The following OR2L5 variants were observed in gnomAD, a reference collection of about 807,000 sequenced individuals.
OR2L5 encodes the protein olfactory receptor 2L5.
For missense variants in OR2L5, 413 were observed against 381.6 expected, an observed-to-expected ratio of 1.08 and a Z score of -0.69; for synonymous variants, 169 against 142.0, an observed-to-expected ratio of 1.19 and a Z score of -1.35.
At position 248,022,118 on chromosome 1, in the gene OR2L5, C is replaced by G; in HGVS notation, c.171C>G (p.Pro57=). The change falls in exon 2 of 2, where the codon CCC becomes CCG. Residue 57 remains proline, a synonymous_variant. Coordinates refer to ENST00000355281, the MANE Select transcript of OR2L5 (RefSeq NM_001258284.2). ...TCTTGGACACCCATCTCCACACACC[C>G]ATGTATTTCCTGCTTAGTCAGCTCT... ...LIFLDTHLHT[P]MYFLLSQLSL... 1 of 1,613,946 alleles carries G rather than the reference C, an allele frequency of 6.2e-7. No homozygotes were observed. The highest frequency in any genetic ancestry group is 8.5e-7 in the Non-Finnish European group (1 of 1,179,852).
chr1:248,018,578 T>C (rs1433231942), intron 1 of OR2L5, among the ~76,000 whole-genome samples: 3 of 152,224 alleles, frequency 2.0e-5, no homozygotes, highest in Non-Finnish European at 4.4e-5. Context: ...GGAATTTTCT[T>C]AAAATGTATT....
intron 1 of OR2L5, among the ~76,000 whole-genome samples, chr1:248,018,034 A>G (rs1662245176): frequency 6.6e-6 from 1 of 152,038 alleles, no homozygotes; most frequent in Admixed American, 6.6e-5. Flanking sequence ...GGGCCCCTGT[A>G]ATCCCAGCTA....
chr1:248,018,642 T>G (rs1313472938), intron 1 of OR2L5, among the ~76,000 whole-genome samples: 2 of 152,154 alleles, frequency 1.3e-5, no homozygotes, highest in Non-Finnish European at 2.9e-5. Context: ...TTAATTAGAG[T>G]AAATATACTT....
Position 248,023,549 on chromosome 1 carries a change from C to T in OR2L5, c.*663C>T, listed in dbSNP as rs1465416211. 1 of 152,162 alleles carries T rather than the reference C, an allele frequency of 6.6e-6. No homozygotes were observed. Among genetic ancestry groups the T allele is most frequent in the African/African-American group, 2.4e-5 (1 of 41,430 alleles). 9.4% of individuals were successfully genotyped at this position (152,162 alleles called of 1,614,324 possible). A position where few individuals can be genotyped will look rare whatever the true frequency, so the allele number is the denominator to read the frequency against. ...TCACAACACACACAATGTTTGTCTC[C>T]TGAGTAGCCACGGGTATTCTCATGC... On this transcript the variant is annotated 3_prime_UTR_variant, in exon 2 of 2. Transcript: ENST00000355281.
chr1:248,014,707 T>C (rs547306627), intron 1 of OR2L5, among the ~76,000 whole-genome samples: 1 of 152,244 alleles, frequency 6.6e-6, no homozygotes, highest in Non-Finnish European at 1.5e-5. Context: ...CTGAAACTTG[T>C]AGATTCTCTT....
rs775400726 is a variant in OR2L5, at chr1:248,022,661, G to A, written c.714G>A (p.Ser238=). The part of the protein sequence containing the change: ...HSAEGRKKAY[S]TCSTHLTVVT... ...CAGAAGGGAGGAAAAAGGCCTATTCGACCTGCAGCACCCACCTCACTGTAG... is the reference window on the plus strand; with the variant it reads ...CAGAAGGGAGGAAAAAGGCCTATTCAACCTGCAGCACCCACCTCACTGTAG... The change falls in exon 2 of 2, where the codon TCG becomes TCA. Residue 238 remains serine (S), a synonymous_variant. Coordinates refer to ENST00000355281, the MANE Select transcript of OR2L5 (RefSeq NM_001258284.2). 3.2e-5 allele frequency: 52 copies of A among 1,613,866 alleles called. No homozygotes were observed. Among genetic ancestry groups the A allele is most frequent in the Admixed American group, 2.3e-4 (14 of 59,984 alleles).
In OR2L5 at chr1:248,024,024, T is replaced by A. The variant is rs1240619974; in HGVS notation, c.*1138T>A. 1 of 152,178 alleles carries A rather than the reference T, an allele frequency of 6.6e-6. No individual in the cohort carries two copies. The highest frequency in any genetic ancestry group is 1.5e-5 in the Non-Finnish European group (1 of 68,032). 9.4% of individuals were successfully genotyped at this position (152,178 alleles called of 1,614,324 possible). A position where few individuals can be genotyped will look rare whatever the true frequency, so the allele number is the denominator to read the frequency against. On this transcript the variant is annotated 3_prime_UTR_variant, in exon 2 of 2. Coordinates refer to ENST00000355281, the MANE Select transcript of OR2L5 (RefSeq NM_001258284.2). ...TGATCAGAAAATATATTTTTATTTT[T>A]ATTTGTTATTAATTTTATTTGTTTA...
intron 1 of OR2L5, among the ~76,000 whole-genome samples, chr1:248,018,824 C>T (rs1320581831): frequency 2.0e-5 from 3 of 152,176 alleles, no homozygotes; most frequent in African/African-American, 4.8e-5. Context: ...CCCCGGTCCC[C>T]TGGGGTCCAG....
At chr1:248,016,313 T>G (rs1662196370) in intron 1 of OR2L5, among the ~76,000 whole-genome samples, 1 of 152,218 alleles carries the variant, frequency 6.6e-6, no homozygotes, top group Non-Finnish European at 1.5e-5. Context: ...CATGGGTATT[T>G]TTTTTGTAAG....
In OR2L5 at chr1:248,022,529, T is replaced by C. The variant is rs777489966; in HGVS notation, c.582T>C (p.Tyr194=). The C allele has an allele frequency of 1.2e-6, 2 of 1,614,216 alleles. No homozygotes were observed. The highest frequency in any genetic ancestry group is 2.2e-5 in the East Asian group (1 of 44,888). The change falls in exon 2 of 2, where the codon TAT becomes TAC. Residue 194 remains tyrosine (Y), a synonymous_variant. Coordinates refer to ENST00000355281, the MANE Select transcript of OR2L5 (RefSeq NM_001258284.2). ...TAGCCTGTACAGACACCTGGGTCTA[T>C]GAGTACACAGTGTTTTTGAGCAGCA... is the stretch of plus-strand genomic sequence containing the variant. ...LTLACTDTWV[Y]EYTVFLSSTI... is the part of the protein sequence containing the mutation.
At chr1:248,018,063 G>C (rs1009232850) in intron 1 of OR2L5, among the ~76,000 whole-genome samples, 1 of 151,738 alleles carries the variant, frequency 6.6e-6, no homozygotes, top group East Asian at 1.9e-4. Flanking sequence ...GCTGAGGCAG[G>C]AGAATGGCGT....
intron 1 of OR2L5, among the ~76,000 whole-genome samples, chr1:248,021,397 A>T (rs777344940): frequency 2.6e-5 from 4 of 152,216 alleles, no homozygotes; most frequent in Non-Finnish European, 4.4e-5. Context: ...TTACTATTCT[A>T]TAAGTAGTCC....
intron 1 of OR2L5, among the ~76,000 whole-genome samples, chr1:248,014,377 A>G (rs1296748816): frequency 6.6e-6 from 1 of 152,152 alleles, no homozygotes; most frequent in Admixed American, 6.6e-5. Context: ...TAAGGAAACC[A>G]TATGATTAGT....
chr1:248,017,909 G>A (rs531937878), intron 1 of OR2L5, among the ~76,000 whole-genome samples: 135 of 152,198 alleles, frequency 8.9e-4, no homozygotes, highest in African/African-American at 3.2e-3. Context: ...TAAGAAGGAG[G>A]TGAGGGAGAA....
chr1:248,014,982 A>T (rs1356245998), intron 1 of OR2L5, among the ~76,000 whole-genome samples: 1 of 152,136 alleles, frequency 6.6e-6, no homozygotes, highest in African/African-American at 2.4e-5. Context: ...CACTTTCATA[A>T]TCACTTTCTG....
Position 248,019,070 on chromosome 1 carries a change from G to C in OR2L5, c.-21-2857G>C, listed in dbSNP as rs73139502. Among the ~76,000 whole-genome samples the C allele has an allele frequency of 2.5e-3, 383 of 151,716 alleles. 2 individuals carry two copies. Among genetic ancestry groups the C allele is most frequent in the African/African-American group, 9.0e-3 (371 of 41,372 alleles). Reference sequence around the variant, plus strand: ...GACGGACACTTGTTTCTGCCTTTGGGGTATTGTGATAATACTGCTGTGAAT... The same window carrying C: ...GACGGACACTTGTTTCTGCCTTTGGCGTATTGTGATAATACTGCTGTGAAT... On this transcript the variant is annotated intron_variant, in intron 1 of 1. Coordinates refer to ENST00000355281, the MANE Select transcript of OR2L5 (RefSeq NM_001258284.2).
In OR2L5 at chr1:248,023,458, T is replaced by G. The variant is rs1662398196; in HGVS notation, c.*572T>G. The G allele has an allele frequency of 6.6e-6, 1 of 152,300 alleles. No individual in the cohort carries two copies. Among genetic ancestry groups the G allele is most frequent in the Non-Finnish European group, 1.5e-5 (1 of 68,132 alleles). The allele number at this position is 152,300 out of a possible 1,614,324, so 9.4% of individuals were successfully genotyped here. A position where few individuals can be genotyped will look rare whatever the true frequency, so the allele number is the denominator to read the frequency against. ...GGAATTTACCTTCTATAGAACCTCTTAGACTACAGTTGACTTAGACTTAGT... is the reference window on the plus strand; with the variant it reads ...GGAATTTACCTTCTATAGAACCTCTGAGACTACAGTTGACTTAGACTTAGT... On this transcript the variant is annotated 3_prime_UTR_variant, in exon 2 of 2. Transcript: ENST00000355281.
At chr1:248,018,167 A>AAC (rs1553275679) in intron 1 of OR2L5, among the ~76,000 whole-genome samples, 5,577 of 150,948 alleles carry the variant, frequency 0.037, 391 homozygotes, top group African/African-American at 0.13. Flanking sequence ...AAATAAAAAA[A>AAC]AAAATTCGTT....
chr1:248,013,721 T>C lies in OR2L5; in HGVS notation c.-39T>C, dbSNP rs1411446040. The stretch of plus-strand genomic sequence containing the variant: ...CAACAAAGGCAGTGCGTGTTTGAAA[T>C]TGAGGAGATAATAAAAGGTACTGAT... On this transcript the variant is annotated 5_prime_UTR_variant, in exon 1 of 2. Coordinates refer to ENST00000355281, the MANE Select transcript of OR2L5 (RefSeq NM_001258284.2). 6.6e-6 allele frequency: 1 copy of C among 152,106 alleles called. No individual in the cohort carries two copies. Among genetic ancestry groups the C allele is most frequent in the Non-Finnish European group, 1.5e-5 (1 of 68,022 alleles). 9.4% of individuals were successfully genotyped at this position (152,106 alleles called of 1,614,324 possible).
Sources: allele counts gnomAD v4.1 joint callset (sites outside exome capture counted in the v4.1 genomes callset), GRCh38; gene constraint gnomAD v4.1.1; transcripts MANE v1.5; gene names NCBI Gene and HGNC (gene_info 2026-07-23, HGNC 2026-07-21).